Variants in PDE7A observed in about 807,000 individuals in gnomAD.
PDE7A encodes phosphodiesterase 7A, also known as high affinity 3',5'-cyclic-AMP phosphodiesterase 7A.
PDE7A carries 39 observed loss-of-function variants against 64.3 expected under a neutral mutation model. The ratio of observed to expected loss-of-function variants is 0.61; its 90% CI spans 0.47 to 0.79. The LOEUF (loss-of-function observed/expected upper bound fraction) is 0.79. PDE7A is among the 30% of genes least tolerant of loss of function. The pLI is 0.00. For synonymous variants in PDE7A, 203 were observed against 206.8 expected, an observed-to-expected ratio of 0.98 and a Z score of 0.16; for missense variants, 470 against 582.8, an observed-to-expected ratio of 0.81 and a Z score of 1.99.
chr8:65,732,999 G>A lies in PDE7A; in HGVS notation c.696+1795C>T, dbSNP rs551981002. Reference sequence around the variant, plus strand: ...TGCAGAACTACAGGCATGAGTCACCGTGCCCAGTCCTGGGTGACTCCATTT... The same window carrying A: ...TGCAGAACTACAGGCATGAGTCACCATGCCCAGTCCTGGGTGACTCCATTT... On this transcript the variant is annotated intron_variant, in intron 7 of 12. Coordinates refer to ENST00000401827, the MANE Select transcript of PDE7A (RefSeq NM_001242318.3). Among the ~76,000 whole-genome samples the A allele has an allele frequency of 2.6e-4, 39 of 152,224 alleles. 1 individual carries two copies. The highest frequency in any genetic ancestry group is 2.1e-3 in the Admixed American group (32 of 15,294).
At chr8:65,837,561 C>T (rs539002014) in intron 1 of PDE7A, among the ~76,000 whole-genome samples, 1 of 152,270 alleles carries the variant, frequency 6.6e-6, no homozygotes, top group Admixed American at 6.5e-5. Context: ...TAATTTTGTG[C>T]ATGAAACAAG....
In PDE7A at chr8:65,766,147, T is replaced by C. The variant is rs1339072094; in HGVS notation, c.283+13573A>G. On this transcript the variant is annotated intron_variant, in intron 3 of 12. Transcript: ENST00000401827. Reference sequence around the variant, plus strand: ...TTTTAGTAGAGATGGGGTTTCGCCATGTTGGCCAGGCTGGTCTTGAACTCC... The same window carrying C: ...TTTTAGTAGAGATGGGGTTTCGCCACGTTGGCCAGGCTGGTCTTGAACTCC... 2.0e-5 allele frequency among the ~76,000 whole-genome samples: 3 copies of C among 152,198 alleles called. No homozygotes were observed. The East Asian group carries it at 5.8e-4, about 29-fold the overall frequency.
chr8:65,805,959 T>C (rs188326966), intron 1 of PDE7A, among the ~76,000 whole-genome samples: 11 of 152,318 alleles, frequency 7.2e-5, no homozygotes, highest in Non-Finnish European at 1.5e-4. Context: ...TGGAAGGTAA[T>C]TTGGCCATGT....
chr8:65,758,369 G>A (rs895044331), intron 3 of PDE7A, among the ~76,000 whole-genome samples: 2 of 152,166 alleles, frequency 1.3e-5, no homozygotes, highest in Non-Finnish European at 2.9e-5. Context: ...ACTGTATCAG[G>A]TAAGGGGGAA....
chr8:65,837,469 C>T (rs1049575434), intron 1 of PDE7A, among the ~76,000 whole-genome samples: 3 of 152,152 alleles, frequency 2.0e-5, no homozygotes, highest in African/African-American at 7.2e-5. Flanking sequence ...AGATGGGACC[C>T]AAGTCTAAAC....
Position 65,715,101 on chromosome 8 carries a change from T to G in PDE7A, c.*4189A>C, listed in dbSNP as rs542437874. On this transcript the variant is annotated 3_prime_UTR_variant, in exon 13 of 13. Transcript: ENST00000401827. ...CAAAGGGTGGCCATGTGTGTGAAAA[T>G]TTTTAGTCTCCCATGTAAAATAAAT... Among the ~76,000 whole-genome samples the G allele has an allele frequency of 4.3e-4, 66 of 152,252 alleles. No homozygotes were observed. The highest frequency in any genetic ancestry group is 1.3e-3 in the African/African-American group (56 of 41,538).
chr8:65,762,020 C>T (rs1344315960), intron 3 of PDE7A, among the ~76,000 whole-genome samples: 1 of 152,166 alleles, frequency 6.6e-6, no homozygotes, highest in East Asian at 1.9e-4. Flanking sequence ...TTTAACAGTC[C>T]ACGAGAGGGA....
At chr8:65,819,648 T>C (rs531317567) in intron 1 of PDE7A, among the ~76,000 whole-genome samples, 4 of 152,326 alleles carry the variant, frequency 2.6e-5, no homozygotes, top group African/African-American at 9.6e-5. Context: ...TCCTTAAAAG[T>C]TAAAATTACA....
intron 3 of PDE7A, among the ~76,000 whole-genome samples, chr8:65,764,876 T>C (rs1239991257): frequency 6.6e-6 from 1 of 152,176 alleles, no homozygotes; most frequent in Non-Finnish European, 1.5e-5. Flanking sequence ...AAAGACAATA[T>C]GAGACACATG....
chr8:65,801,145 C>CA (rs926378987), intron 1 of PDE7A, among the ~76,000 whole-genome samples: 1 of 151,932 alleles, frequency 6.6e-6, no homozygotes, highest in Non-Finnish European at 1.5e-5. Context: ...CCAAAGGCGA[C>CA]AAAAAATAAA....
At chr8:65,818,991 T>C (rs746092107) in intron 1 of PDE7A, among the ~76,000 whole-genome samples, 1 of 152,228 alleles carries the variant, frequency 6.6e-6, no homozygotes, top group East Asian at 1.9e-4. Flanking sequence ...CAAGCTAGAA[T>C]GGCCACTGAC....
At chr8:65,737,591 T>A (rs1807202096) in intron 6 of PDE7A, among the ~76,000 whole-genome samples, 1 of 152,134 alleles carries the variant, frequency 6.6e-6, no homozygotes, top group Non-Finnish European at 1.5e-5. Flanking sequence ...TCTCTCTCTC[T>A]CAATCTCACC....
At chr8:65,779,671 T>G (rs1809355888) in intron 3 of PDE7A, 49 bp downstream of exon 3, 1 of 947,186 alleles carries the variant, frequency 1.1e-6, no homozygotes, top group East Asian at 2.5e-5. Context: ...GTAATTTTAT[T>G]AAAATTTGTA....
intron 1 of PDE7A, among the ~76,000 whole-genome samples, chr8:65,838,220 G>C (rs887626313): frequency 1.3e-5 from 2 of 152,106 alleles, no homozygotes; most frequent in African/African-American, 4.8e-5. Context: ...CATCTACCAA[G>C]AACCTACCTA....
At chr8:65,800,627 G>C (rs1360372746) in intron 1 of PDE7A, among the ~76,000 whole-genome samples, 1 of 152,152 alleles carries the variant, frequency 6.6e-6, no homozygotes, top group African/African-American at 2.4e-5. Flanking sequence ...TGGTTTTACT[G>C]TGCCAGGTGA....
chr8:65,835,951 G>C (rs913226769), intron 1 of PDE7A, among the ~76,000 whole-genome samples: 35 of 152,256 alleles, frequency 2.3e-4, no homozygotes, highest in African/African-American at 8.2e-4. Flanking sequence ...TATTATGTTT[G>C]AGCATGTATC....
chr8:65,811,565 T>C (rs1169641410), intron 1 of PDE7A, among the ~76,000 whole-genome samples: 1 of 152,226 alleles, frequency 6.6e-6, no homozygotes, highest in Non-Finnish European at 1.5e-5. Flanking sequence ...ATTTGAAGGA[T>C]AAAAGGAATA....
chr8:65,841,386 G>A lies in PDE7A; in HGVS notation c.123C>T (p.Pro41=). Residue 41 remains proline, a synonymous_variant, in exon 1 of 13, where the codon CCC becomes CCT. Coordinates refer to ENST00000401827, the MANE Select transcript of PDE7A (RefSeq NM_001242318.3). ...CGGCGATTACCTGAGAGAGCTGCCG[G>A]GGATTGGGGCAGCCGAAGAGAGCGG... The part of the protein sequence containing the change: ...SSSALFGCPN[P]RQLSQRRGAI... The A allele has an allele frequency of 6.4e-7, 1 of 1,559,594 alleles. No homozygotes were observed. Among genetic ancestry groups the A allele is most frequent in the Non-Finnish European group, 8.6e-7 (1 of 1,157,608 alleles).
intron 5 of PDE7A, among the ~76,000 whole-genome samples, chr8:65,740,828 C>T (rs148258395): frequency 6.6e-6 from 1 of 152,292 alleles, no homozygotes; most frequent in Admixed American, 6.5e-5. Flanking sequence ...TCTCAACAAG[C>T]ATCAGCATTC....
Sources: allele counts gnomAD v4.1 joint callset (sites outside exome capture counted in the v4.1 genomes callset), GRCh38; gene constraint gnomAD v4.1.1; transcripts MANE v1.5; gene names NCBI Gene and HGNC (gene_info 2026-07-23, HGNC 2026-07-21).